COL25A1: variants seen among roughly 807,000 people sequenced by gnomAD.
The protein encoded by COL25A1 is collagen alpha-1(XXV) chain.
In COL25A1, 103 loss-of-function variants were observed where a neutral mutation model predicts 128.4. The observed-to-expected ratio is 0.80, with a 90% CI of 0.68 to 0.94. The LOEUF (loss-of-function observed/expected upper bound fraction) is 0.94. Among genes scored for constraint, COL25A1 ranks in the 40% least tolerant of loss-of-function variants. The pLI is 0.00. For synonymous variants in COL25A1, 279 were observed against 277.2 expected, an observed-to-expected ratio of 1.01 and a Z score of -0.06; for missense variants, 745 against 840.0, an observed-to-expected ratio of 0.89 and a Z score of 1.40.
intron 8 of COL25A1, among the ~76,000 whole-genome samples, chr4:108,955,713 A>G (rs1749994237): frequency 6.6e-6 from 1 of 152,182 alleles, no homozygotes; most frequent in Non-Finnish European, 1.5e-5. Flanking sequence ...AGATTCAGAC[A>G]CAGAAGCATA....
At chr4:109,083,561 C>G (rs1268057398) in intron 3 of COL25A1, among the ~76,000 whole-genome samples, 1 of 143,026 alleles carries the variant, frequency 7.0e-6, no homozygotes, top group Non-Finnish European at 1.5e-5. Context: ...CTCCCGGGTT[C>G]ACGCCATTCT....
rs376256679 is a variant in COL25A1 at position 109,265,455 on chromosome 4, A to G, written c.367+35128T>C. ...TTCCTTATACTTTTTCCATTAAACTAAAGTTATAATTGAGGCAATAAATAT... is the reference window on the plus strand; with the variant it reads ...TTCCTTATACTTTTTCCATTAAACTGAAGTTATAATTGAGGCAATAAATAT... On this transcript the variant is annotated intron_variant, in intron 3 of 37. Transcript: ENST00000399132. Among the ~76,000 whole-genome samples the G allele has an allele frequency of 5.9e-5, 9 of 152,068 alleles. No homozygotes were observed. The South Asian group carries it at 1.9e-3, about 32-fold the overall frequency.
chr4:108,889,805 CA>C, intron 16 of COL25A1, 72 bp from the exon 17 acceptor site: 1 of 1,346,346 alleles, frequency 7.4e-7, no homozygotes. Flanking sequence ...CTCAGAGAGC[CA>C]TCACCAACAC....
At chr4:109,097,129 A>C (rs1765466791) in intron 3 of COL25A1, among the ~76,000 whole-genome samples, 1 of 152,148 alleles carries the variant, frequency 6.6e-6, no homozygotes, top group South Asian at 2.1e-4. Flanking sequence ...TTGCAGGAAA[A>C]ACTGGCCTGT....
At chr4:108,841,648 T>C (rs1002173579) in intron 31 of COL25A1, 47 bp downstream of exon 31, 3 of 1,514,680 alleles carry the variant, frequency 2.0e-6, no homozygotes, top group Middle Eastern at 1.7e-4. Flanking sequence ...TTCTCCATGA[T>C]TATCAAGGAA....
chr4:108,899,110 G>C (rs1402423437), intron 15 of COL25A1, 44 bp downstream of exon 15: 15 of 1,590,788 alleles, frequency 9.4e-6, no homozygotes, highest in Non-Finnish European at 1.2e-5. Flanking sequence ...GTATGCTGGT[G>C]GTGGGGAGTA....
chr4:109,010,216 C>A (rs777071449), intron 6 of COL25A1, 142 bp downstream of exon 6: 51 of 684,332 alleles, frequency 7.5e-5, no homozygotes, highest in Non-Finnish European at 1.1e-4. Flanking sequence ...AGGGTTTACT[C>A]CTGGGAAATA....
chr4:109,046,336 G>C (rs139276238), intron 5 of COL25A1, among the ~76,000 whole-genome samples: 111 of 152,336 alleles, frequency 7.3e-4, no homozygotes, highest in African/African-American at 2.5e-3. Flanking sequence ...TGGACTAACA[G>C]ATGGCCTCAA....
At chr4:109,060,350 A>G (rs563329418) in intron 3 of COL25A1, among the ~76,000 whole-genome samples, 1 of 152,094 alleles carries the variant, frequency 6.6e-6, no homozygotes, top group Non-Finnish European at 1.5e-5. Context: ...CAAGCTTCCC[A>G]AAGCGACCTG....
intron 3 of COL25A1, among the ~76,000 whole-genome samples, chr4:109,255,635 T>C (rs1460394069): frequency 1.6e-5 from 2 of 124,916 alleles, no homozygotes; most frequent in African/African-American, 6.4e-5. Flanking sequence ...TAGACTCTTT[T>C]TAAAAACCTC....
chr4:108,868,734 AG>A (rs1174327097), intron 20 of COL25A1, among the ~76,000 whole-genome samples: 2 of 146,886 alleles, frequency 1.4e-5, no homozygotes, highest in Non-Finnish European at 3.0e-5. Context: ...AAAGGAAGGG[AG>A]GAAGGAAGGA....
At chr4:109,231,333 A>G (rs982805894) in intron 3 of COL25A1, among the ~76,000 whole-genome samples, 1 of 152,108 alleles carries the variant, frequency 6.6e-6, no homozygotes. Flanking sequence ...AAACTAATCT[A>G]CACATTTTAG....
chr4:108,918,263 T>C, intron 12 of COL25A1, 47 bp from the exon 13 acceptor site: 1 of 1,341,094 alleles, frequency 7.5e-7, no homozygotes. Flanking sequence ...ACACAAAATA[T>C]TTCAATTCTA....
Position 108,899,625 on chromosome 4 carries a change from G to A in COL25A1, c.835-445C>T, listed in dbSNP as rs1469268361. Among the ~76,000 whole-genome samples the A allele has an allele frequency of 3.9e-5, 6 of 152,036 alleles. No individual in the cohort carries two copies. The East Asian group carries it at 5.8e-4, about 15-fold the overall frequency. Reference sequence around the variant, plus strand: ...TCATAGATCATTTCCAGGGTCTAGGGTGCCAGGGTAGTTACCCAATCTGTC... The same window carrying A: ...TCATAGATCATTTCCAGGGTCTAGGATGCCAGGGTAGTTACCCAATCTGTC... On this transcript the variant is annotated intron_variant, in intron 14 of 37. Coordinates refer to ENST00000399132, the MANE Select transcript of COL25A1 (RefSeq NM_198721.4).
intron 5 of COL25A1, among the ~76,000 whole-genome samples, chr4:109,017,788 A>G (rs1757353995): frequency 6.6e-6 from 1 of 152,218 alleles, no homozygotes; most frequent in African/African-American, 2.4e-5. Flanking sequence ...AAATATTAAC[A>G]TTGTTCATGC....
At chr4:108,850,802 C>T (rs1305296696) in intron 26 of COL25A1, among the ~76,000 whole-genome samples, 1 of 151,960 alleles carries the variant, frequency 6.6e-6, no homozygotes, top group African/African-American at 2.4e-5. Flanking sequence ...TGAATTAATA[C>T]ACGAATAGCA....
intron 3 of COL25A1, among the ~76,000 whole-genome samples, chr4:109,060,215 C>T (rs1761836060): frequency 6.6e-6 from 1 of 152,326 alleles, no homozygotes; most frequent in Middle Eastern, 3.4e-3. Flanking sequence ...TGTGAAGACA[C>T]AGCATCTGTG....
At chr4:109,030,325 AT>A (rs1355707431) in intron 5 of COL25A1, among the ~76,000 whole-genome samples, 1 of 152,126 alleles carries the variant, frequency 6.6e-6, no homozygotes, top group Non-Finnish European at 1.5e-5. Flanking sequence ...CAGCTGCCCC[AT>A]CATTCCCATC....
chr4:108,906,454 G>A (rs1268942510), intron 13 of COL25A1, among the ~76,000 whole-genome samples: 1 of 152,032 alleles, frequency 6.6e-6, no homozygotes, highest in Non-Finnish European at 1.5e-5. Flanking sequence ...CCCTATAAAG[G>A]CATATGCCTG....
Sources: gnomAD v4.1 joint callset for allele counts (sites outside exome capture counted in the v4.1 genomes callset) on GRCh38, gnomAD v4.1.1 for gene constraint, MANE v1.5 for transcripts, NCBI Gene and HGNC (gene_info 2026-07-23, HGNC 2026-07-21) for gene names.